The following CRTC1 variants were observed in gnomAD, a reference collection of about 807,000 sequenced individuals.
CRTC1 encodes CREB-regulated transcription coactivator 1.
CRTC1 carries 18 observed loss-of-function variants against 66.1 expected under a neutral mutation model. That is an observed-to-expected ratio of 0.27 (90% CI 0.19 to 0.40). The LOEUF is 0.40. Among genes scored for constraint, CRTC1 ranks in the 10% least tolerant of loss-of-function variants. CRTC1 has a pLI of 1.00. For synonymous variants in CRTC1, 416 were observed against 398.8 expected, an observed-to-expected ratio of 1.04 and a Z score of -0.51; for missense variants, 669 against 887.9, an observed-to-expected ratio of 0.75 and a Z score of 3.13.
At chr19:18,769,185 A>C (rs2054808136) in intron 10 of CRTC1, among the ~76,000 whole-genome samples, 1 of 152,210 alleles carries the variant, frequency 6.6e-6, no homozygotes, top group Non-Finnish European at 1.5e-5. Context: ...TTATCAGAGA[A>C]GGAAAGACGA....
intron 1 of CRTC1, among the ~76,000 whole-genome samples, chr19:18,703,500 C>T (rs1249623770): frequency 6.6e-6 from 1 of 152,058 alleles, no homozygotes; most frequent in Non-Finnish European, 1.5e-5. Context: ...GTTCTGTCGC[C>T]TAGGCTGGAG....
At chr19:18,770,966 G>A (rs953440553) in intron 10 of CRTC1, among the ~76,000 whole-genome samples, 9 of 151,238 alleles carry the variant, frequency 6.0e-5, no homozygotes, top group East Asian at 3.9e-4. Flanking sequence ...GTGAGTATGC[G>A]TGTGTGTGCA....
intron 4 of CRTC1, among the ~76,000 whole-genome samples, chr19:18,748,026 G>A (rs182587913): frequency 2.6e-5 from 4 of 152,168 alleles, no homozygotes; most frequent in East Asian, 3.9e-4. Context: ...GCAGTGAGCT[G>A]TAATCATGCC....
intron 5 of CRTC1, among the ~76,000 whole-genome samples, chr19:18,750,696 A>C (rs1376780953): frequency 1.3e-5 from 2 of 152,152 alleles, no homozygotes; most frequent in African/African-American, 4.8e-5. Flanking sequence ...CGCAAGGGAG[A>C]TTCTGCTGAT....
In CRTC1 at chr19:18,771,515, A is replaced by G. The variant is rs201456735; in HGVS notation, c.1394A>G (p.Asn465Ser). The change falls in exon 11 of 14, where the codon AAT becomes AGT. Residue 465 changes from asparagine (N) to serine (S), a missense_variant. Transcript: ENST00000321949. This position sits in a 1 kb window ranked among gnomAD's most constrained non-coding sequence, Gnocchi z 4.6. ...CAGTCTCCCACCTCGCCAGTCTCCA[A>G]TCAAGGCTTCTCCCCAGGGAGCTCC... is the stretch of plus-strand genomic sequence containing the variant. ...ANQSPTSPVS[N>S]QGFSPGSSPQ... 3.7e-6 allele frequency: 6 copies of G among 1,613,706 alleles called. No individual in the cohort carries two copies. Among genetic ancestry groups the G allele is most frequent in the Non-Finnish European group, 5.1e-6 (6 of 1,179,788 alleles).
rs573612683 is a variant in CRTC1 at position 18,717,956 on chromosome 19, G to A, written c.127-24954G>A. On this transcript the variant is annotated intron_variant, in intron 1 of 13. Transcript: ENST00000321949. Reference sequence around the variant, plus strand: ...AGAAAAAGACAGCAGGGCCTGGGCAGCCCCGTCACGGGGCTGGCTTTGAAT... The same window carrying A: ...AGAAAAAGACAGCAGGGCCTGGGCAACCCCGTCACGGGGCTGGCTTTGAAT... Among the ~76,000 whole-genome samples the A allele has an allele frequency of 3.3e-5, 5 of 152,276 alleles. No homozygotes were observed. In the South Asian group the frequency reaches 1.0e-3, roughly 32 times the overall value.
intron 1 of CRTC1, among the ~76,000 whole-genome samples, chr19:18,720,798 G>A (rs966805756): frequency 3.9e-5 from 6 of 152,106 alleles, no homozygotes; most frequent in African/African-American, 1.4e-4. Context: ...TGCTGCACCC[G>A]GCTGAGTTTT....
At chr19:18,711,580 C>T (rs1483752612) in intron 1 of CRTC1, among the ~76,000 whole-genome samples, 2 of 152,188 alleles carry the variant, frequency 1.3e-5, no homozygotes, top group Non-Finnish European at 2.9e-5. Context: ...CAGCTGCGGC[C>T]GGCCACGCTC....
At chr19:18,738,015 G>A (rs1006681185) in intron 1 of CRTC1, among the ~76,000 whole-genome samples, 9 of 152,106 alleles carry the variant, frequency 5.9e-5, no homozygotes, top group African/African-American at 2.2e-4. Context: ...GTTAAGTGTT[G>A]GAGGAGTCAG....
At chr19:18,683,852 C>T (rs2145431900) in intron 1 of CRTC1, 24 bp downstream of exon 1, 2 of 1,168,320 alleles carry the variant, frequency 1.7e-6, no homozygotes, top group Non-Finnish European at 2.2e-6. Flanking sequence ...CCGCGCCGAC[C>T]CTTCAGGGCC....
intron 1 of CRTC1, among the ~76,000 whole-genome samples, chr19:18,717,834 G>A (rs1254457577): frequency 6.6e-6 from 1 of 152,052 alleles, no homozygotes; most frequent in Non-Finnish European, 1.5e-5. Context: ...ACGGGGGTGC[G>A]TGTGTGAGGC....
intron 2 of CRTC1, among the ~76,000 whole-genome samples, chr19:18,743,349 A>C (rs916719130): frequency 6.6e-6 from 1 of 152,218 alleles, no homozygotes; most frequent in Non-Finnish European, 1.5e-5. Flanking sequence ...GTCCTGCCTC[A>C]CTAATCCGCA....
At chr19:18,703,900 G>A (rs752664400) in intron 1 of CRTC1, among the ~76,000 whole-genome samples, 1 of 152,212 alleles carries the variant, frequency 6.6e-6, no homozygotes, top group Non-Finnish European at 1.5e-5. Context: ...GCCTGGCAAC[G>A]TGTTGCATTT....
rs776171663 is a variant in CRTC1, at chr19:18,747,131, C to CT, written c.443+17_443+18insT. On this transcript the variant is annotated intron_variant, in intron 4 of 13. Transcript: ENST00000321949. ...CTGGAGAAGGTCAGTGGCTGGACAC[C>CT]CCCCCCCCGCCCCCTTCTTGTTGGA... 5 of 759,318 alleles carry CT rather than the reference C, an allele frequency of 6.6e-6. No individual in the cohort carries two copies. The highest frequency in any genetic ancestry group is 2.8e-5 in the South Asian group (2 of 71,498). The allele number at this position is 759,318 out of a possible 1,614,324, so 47.0% of individuals were successfully genotyped here.
At chr19:18,691,644 C>T (rs536128553) in intron 1 of CRTC1, among the ~76,000 whole-genome samples, 1 of 151,992 alleles carries the variant, frequency 6.6e-6, no homozygotes, top group Non-Finnish European at 1.5e-5. Context: ...CCAGAGCCCC[C>T]AGAAGCTGGA....
chr19:18,777,694 G>A lies in CRTC1; in HGVS notation c.*312G>A. The A allele has an allele frequency of 2.5e-6, 1 of 402,198 alleles. No homozygotes were observed. Among genetic ancestry groups the A allele is most frequent in the Non-Finnish European group, 4.5e-6 (1 of 221,934 alleles). 24.9% of individuals were successfully genotyped at this position (402,198 alleles called of 1,614,324 possible). A position where few individuals can be genotyped will look rare whatever the true frequency, so the allele number is the denominator to read the frequency against. ...AGCCCCGGGGCCTGAGCCGTCCCCT[G>A]TAAGATGCGGGAAGTGTCAGCTCCC... On this transcript the variant is annotated 3_prime_UTR_variant, in exon 14 of 14. Transcript: ENST00000321949. The surrounding 1 kb of genome is among the most constrained non-coding windows in gnomAD (Gnocchi z 5.5).
chr19:18,726,702 C>T (rs192328475), intron 1 of CRTC1, among the ~76,000 whole-genome samples: 2 of 152,100 alleles, frequency 1.3e-5, no homozygotes, highest in African/African-American at 2.4e-5. Flanking sequence ...CCAAGGCGGG[C>T]GGATCATGAG....
chr19:18,740,662 C>T (rs2145719231), intron 1 of CRTC1, among the ~76,000 whole-genome samples: 1 of 152,312 alleles, frequency 6.6e-6, no homozygotes, highest in Non-Finnish European at 1.5e-5. Flanking sequence ...AACCCTTTTG[C>T]TGTACAACTC....
At chr19:18,693,993 A>T (rs866164669) in intron 1 of CRTC1, among the ~76,000 whole-genome samples, 1 of 152,030 alleles carries the variant, frequency 6.6e-6, no homozygotes, top group Non-Finnish European at 1.5e-5. Flanking sequence ...TTAGCTGGGC[A>T]TGGTGGCGGG....
Sources: allele counts gnomAD v4.1 joint callset (sites outside exome capture counted in the v4.1 genomes callset), GRCh38; gene constraint gnomAD v4.1.1; non-coding constraint Gnocchi (gnomAD v3.1); transcripts MANE v1.5; gene names NCBI Gene and HGNC (gene_info 2026-07-23, HGNC 2026-07-21).